The following TRAPPC8 variants were observed in gnomAD, a reference collection of about 807,000 sequenced individuals.
TRAPPC8 encodes trafficking protein particle complex subunit 8, also known as general sporulation gene 1 homolog.
Under a neutral mutation model 174.3 loss-of-function variants are expected in TRAPPC8, and 54 were observed. The ratio of observed to expected loss-of-function variants is 0.31; its 90% CI spans 0.25 to 0.39. TRAPPC8 has a LOEUF of 0.39. Ranked by LOEUF, TRAPPC8 falls within the 10% of genes least tolerant of loss-of-function variation. The probability of loss-of-function intolerance (pLI) is 1.00; values close to 1 mark genes in which losing one functional copy is unlikely to be tolerated. For synonymous variants in TRAPPC8, 630 were observed against 579.9 expected, an observed-to-expected ratio of 1.09 and a Z score of -1.24; for missense variants, 1,531 against 1,699.1, an observed-to-expected ratio of 0.90 and a Z score of 1.74.
intron 5 of TRAPPC8, among the ~76,000 whole-genome samples, chr18:31,912,481 G>T (rs1296199661): frequency 6.7e-6 from 1 of 148,170 alleles, no homozygotes; most frequent in African/African-American, 2.5e-5. Flanking sequence ...AACAGAGCGA[G>T]ACTCTTTGTC....
rs1037727463 is a variant in TRAPPC8 at position 31,852,375 on chromosome 18, C to A, written c.3561+71G>T. The stretch of plus-strand genomic sequence containing the variant: ...AGCGTTTGGGAATTACTGCGATAAG[C>A]CTTGCCAAAAATACCCAGATATGCT... On this transcript the variant is annotated intron_variant, in intron 24 of 28. Coordinates refer to ENST00000283351, the MANE Select transcript of TRAPPC8 (RefSeq NM_014939.5). 4.5e-6 allele frequency: 7 copies of A among 1,569,684 alleles called. No homozygotes were observed. In the African/African-American group the frequency reaches 6.8e-5, roughly 15 times the overall value.
intron 1 of TRAPPC8, among the ~76,000 whole-genome samples, chr18:31,934,927 G>A (rs189091480): frequency 4.0e-5 from 6 of 149,446 alleles, no homozygotes; most frequent in African/African-American, 1.5e-4. Flanking sequence ...AGCCTGCTGG[G>A]CAACAGAGAG....
intron 1 of TRAPPC8, chr18:31,937,599 A>AT (rs1598769609): frequency 1.3e-5 from 2 of 152,344 alleles, no homozygotes; most frequent in East Asian, 3.9e-4. Context: ...TAGCTCCTGC[A>AT]CAAGGATCAC....
At chr18:31,855,534 C>A in intron 21 of TRAPPC8, 126 bp downstream of exon 21, 1 of 749,896 alleles carries the variant, frequency 1.3e-6, no homozygotes, top group South Asian at 2.1e-5. Context: ...TCATACTATT[C>A]TACATGAACA....
chr18:31,874,970 T>C (rs991477898), intron 12 of TRAPPC8, among the ~76,000 whole-genome samples: 3 of 152,200 alleles, frequency 2.0e-5, no homozygotes, highest in Non-Finnish European at 2.9e-5. Flanking sequence ...GCCAGACTGC[T>C]TTGACATTTA....
At chr18:31,918,629 T>C (rs1040668892) in intron 2 of TRAPPC8, among the ~76,000 whole-genome samples, 3 of 152,124 alleles carry the variant, frequency 2.0e-5, no homozygotes, top group African/African-American at 4.8e-5. Flanking sequence ...ATATGGCTGG[T>C]AAATCTTACT....
At position 31,917,584 on chromosome 18, in the gene TRAPPC8, A is replaced by T. The variant is rs201756494; in HGVS notation, c.436T>A (p.Leu146Ile). 313 of 1,611,698 alleles carry T rather than the reference A, an allele frequency of 1.9e-4. 1 individual carries two copies. In the South Asian group the frequency reaches 2.7e-3, roughly 14 times the overall value. Residue 146 changes from leucine (L) to isoleucine (I), a missense_variant, in exon 3 of 29, where the codon TTA becomes ATA. Physicochemically the swap from Leu to Ile is conservative, Grantham distance 5. Transcript: ENST00000283351. Reference sequence around the variant, plus strand: ...CATAAATGTCAAAGGATACATGCTAAATAGTGGTTCAGAAATTCATGATCC... The same window carrying T: ...CATAAATGTCAAAGGATACATGCTATATAGTGGTTCAGAAATTCATGATCC... ...ALDHEFLNHY[L>I]ACMLVASSSE...
rs544909553 is a variant in TRAPPC8 at position 31,892,044 on chromosome 18, C to T, written c.1597-1178G>A. On this transcript the variant is annotated intron_variant, in intron 11 of 28. Coordinates refer to ENST00000283351, the MANE Select transcript of TRAPPC8 (RefSeq NM_014939.5). ...GTAATTAATGAGTGGTTCTTAAAAA[C>T]GGGTTTGTGTCAGAAATACTTAGGG... 2.6e-5 allele frequency among the ~76,000 whole-genome samples: 4 copies of T among 152,254 alleles called. No individual in the cohort carries two copies. In the South Asian group the frequency reaches 6.2e-4, roughly 24 times the overall value.
chr18:31,836,073 A>T (rs544140120), intron 27 of TRAPPC8, among the ~76,000 whole-genome samples: 1 of 152,290 alleles, frequency 6.6e-6, no homozygotes, highest in South Asian at 2.1e-4. Flanking sequence ...TCATTTCTGA[A>T]ATGGTTTGTT....
intron 9 of TRAPPC8, among the ~76,000 whole-genome samples, chr18:31,901,764 G>C (rs955522284): frequency 1.2e-4 from 19 of 152,184 alleles, no homozygotes; most frequent in African/African-American, 4.3e-4. Flanking sequence ...ACTCAGATTT[G>C]CCATGGAAAT....
In TRAPPC8 at chr18:31,830,717, A is replaced by C; in HGVS notation, c.*38T>G. ...CTGCTGTAAAACCCATCCAGCAAAAACTGATTATTGTGGATTTCAGTACAA... is the reference window on the plus strand; with the variant it reads ...CTGCTGTAAAACCCATCCAGCAAAACCTGATTATTGTGGATTTCAGTACAA... On this transcript the variant is annotated 3_prime_UTR_variant, in exon 29 of 29. Transcript: ENST00000283351. 6.3e-7 allele frequency: 1 copy of C among 1,575,328 alleles called. No homozygotes were observed. Among genetic ancestry groups the C allele is most frequent in the Non-Finnish European group, 8.7e-7 (1 of 1,151,984 alleles).
Position 31,908,748 on chromosome 18 carries a change from C to G in TRAPPC8, c.1122+6G>C. 2 of 1,580,286 alleles carry G rather than the reference C, an allele frequency of 1.3e-6. No individual in the cohort carries two copies. The highest frequency in any genetic ancestry group is 1.7e-6 in the Non-Finnish European group (2 of 1,160,108). ...TAAAATACTAATCCAAAAAATCAAA[C>G]CTTACCTGATCGTTTAATTGCCTAA... On this transcript the variant is annotated splice_donor_region_variant and intron_variant, in intron 7 of 28. Coordinates refer to ENST00000283351, the MANE Select transcript of TRAPPC8 (RefSeq NM_014939.5).
intron 12 of TRAPPC8, among the ~76,000 whole-genome samples, chr18:31,876,359 G>A (rs1375818054): frequency 1.3e-5 from 2 of 151,298 alleles, no homozygotes; most frequent in Non-Finnish European, 1.5e-5. Context: ...GCATGGTGGC[G>A]GGCGCCTGAA....
At chr18:31,887,454 G>T (rs2035766668) in intron 12 of TRAPPC8, among the ~76,000 whole-genome samples, 1 of 152,098 alleles carries the variant, frequency 6.6e-6, no homozygotes, top group Admixed American at 6.5e-5. Context: ...AGACCAGCCT[G>T]GCCAACGTGG....
At chr18:31,928,209 A>AATAC (rs2037705377) in intron 2 of TRAPPC8, among the ~76,000 whole-genome samples, 2 of 151,620 alleles carry the variant, frequency 1.3e-5, no homozygotes, top group African/African-American at 4.8e-5. Flanking sequence ...TAAAATAAAA[A>AATAC]ATACATAGGC....
At chr18:31,909,156 G>A (rs2036800076) in intron 6 of TRAPPC8, 146 bp from the exon 7 acceptor site, 1 of 702,030 alleles carries the variant, frequency 1.4e-6, no homozygotes, top group African/African-American at 1.8e-5. Flanking sequence ...TAAAACAGCA[G>A]TAACATCCCC....
intron 11 of TRAPPC8, among the ~76,000 whole-genome samples, chr18:31,893,267 T>C (rs1356785633): frequency 1.3e-5 from 2 of 152,134 alleles, no homozygotes; most frequent in African/African-American, 4.8e-5. Flanking sequence ...GTTTATTCTT[T>C]TGCAGGGAAG....
At chr18:31,906,525 C>T (rs1034341516) in intron 9 of TRAPPC8, among the ~76,000 whole-genome samples, 3 of 152,072 alleles carry the variant, frequency 2.0e-5, no homozygotes, top group African/African-American at 7.2e-5. Flanking sequence ...TACACAATTA[C>T]CTATGAATTA....
At chr18:31,910,435 A>G (rs2036857070) in intron 5 of TRAPPC8, among the ~76,000 whole-genome samples, 1 of 152,216 alleles carries the variant, frequency 6.6e-6, no homozygotes, top group South Asian at 2.1e-4. Context: ...TCCTTGAGAA[A>G]GAGTTGCAGA....
Sources: gnomAD v4.1 joint callset for allele counts (sites outside exome capture counted in the v4.1 genomes callset) on GRCh38, gnomAD v4.1.1 for gene constraint, MANE v1.5 for transcripts, NCBI Gene and HGNC (gene_info 2026-07-23, HGNC 2026-07-21) for gene names.